Variants in CTNND2 observed in about 807,000 individuals in gnomAD.
CTNND2 encodes catenin delta 2, also known as catenin delta-2.
In CTNND2, 22 loss-of-function variants were observed where a neutral mutation model predicts 144.4. The ratio of observed to expected loss-of-function variants is 0.15; its 90% CI spans 0.11 to 0.22. The LOEUF (loss-of-function observed/expected upper bound fraction) is 0.22, where lower values mean the gene tolerates loss of function less well. CTNND2 is among the 10% of genes least tolerant of loss of function. The probability of loss-of-function intolerance (pLI) is 1.00; values close to 1 mark genes in which losing one functional copy is unlikely to be tolerated. For missense variants in CTNND2, 1,353 were observed against 1,618.8 expected (o/e 0.84, Z 2.82); for synonymous variants, 751 against 695.6 (o/e 1.08, Z -1.25).
chr5:11,479,910 T>C (rs559690707), intron 3 of CTNND2, among the ~76,000 whole-genome samples: 1 of 152,320 alleles, frequency 6.6e-6, no homozygotes, highest in African/African-American at 2.4e-5. Context: ...GAATATTGGA[T>C]CTTTGTAAGA....
intron 3 of CTNND2, among the ~76,000 whole-genome samples, chr5:11,497,547 T>G (rs1770094978): frequency 7.7e-6 from 1 of 129,614 alleles, no homozygotes; most frequent in Non-Finnish European, 1.6e-5. Context: ...GCAAAGGCCC[T>G]GAGGCACAAA....
intron 11 of CTNND2, among the ~76,000 whole-genome samples, chr5:11,179,540 T>A (rs947180312): frequency 6.6e-6 from 1 of 152,154 alleles, no homozygotes; most frequent in Non-Finnish European, 1.5e-5. Flanking sequence ...TATTTATCTG[T>A]ACCTAACCCT....
chr5:11,691,153 C>T (rs1213373139), intron 2 of CTNND2, among the ~76,000 whole-genome samples: 1 of 152,030 alleles, frequency 6.6e-6, no homozygotes, highest in Non-Finnish European at 1.5e-5. Context: ...GGGTGGATCA[C>T]AAGGTCAGGA....
chr5:11,354,213 C>G (rs544342097), intron 8 of CTNND2, among the ~76,000 whole-genome samples: 2 of 152,272 alleles, frequency 1.3e-5, no homozygotes, highest in East Asian at 3.9e-4. Context: ...TTGGTGAGAA[C>G]AGAATTAGCT....
intron 16 of CTNND2, among the ~76,000 whole-genome samples, chr5:11,074,036 C>T (rs11133636): frequency 1.3e-5 from 2 of 152,310 alleles, no homozygotes; most frequent in East Asian, 3.9e-4. Context: ...ATTTCCAGTA[C>T]TAAAAACAGC....
At chr5:11,249,669 A>G (rs933990796) in intron 9 of CTNND2, among the ~76,000 whole-genome samples, 2 of 152,158 alleles carry the variant, frequency 1.3e-5, no homozygotes, top group Admixed American at 1.3e-4. Context: ...ACACTTCAGT[A>G]TAATTTTTGA....
At chr5:11,811,411 T>C (rs931042922) in intron 1 of CTNND2, among the ~76,000 whole-genome samples, 1 of 152,208 alleles carries the variant, frequency 6.6e-6, no homozygotes, top group Non-Finnish European at 1.5e-5. Context: ...TAACACAACT[T>C]ACCCATTCCA....
chr5:11,837,281 G>C (rs1434758137), intron 1 of CTNND2, among the ~76,000 whole-genome samples: 1 of 152,226 alleles, frequency 6.6e-6, no homozygotes, highest in Admixed American at 6.5e-5. Flanking sequence ...AATGGGATCA[G>C]ATCTTCACTT....
intron 2 of CTNND2, among the ~76,000 whole-genome samples, chr5:11,623,871 G>A (rs1327297493): frequency 7.8e-6 from 1 of 128,320 alleles, no homozygotes; most frequent in Admixed American, 8.2e-5. Context: ...AAAAGGAGCA[G>A]CCAGATTCAT....
chr5:11,192,078 T>G (rs1418130883), intron 11 of CTNND2, among the ~76,000 whole-genome samples: 1 of 152,246 alleles, frequency 6.6e-6, no homozygotes, highest in African/African-American at 2.4e-5. Flanking sequence ...CAAACCATGA[T>G]GCACCTGGAG....
At chr5:11,713,832 T>G (rs576384855) in intron 2 of CTNND2, among the ~76,000 whole-genome samples, 1 of 152,122 alleles carries the variant, frequency 6.6e-6, no homozygotes, top group South Asian at 2.1e-4. Context: ...AAATAAATGG[T>G]TTGAAACATT....
At chr5:11,807,317 T>C (rs754920111) in intron 1 of CTNND2, among the ~76,000 whole-genome samples, 1 of 152,206 alleles carries the variant, frequency 6.6e-6, no homozygotes, top group Non-Finnish European at 1.5e-5. Context: ...CATTATCTTT[T>C]GACTTTAGAC....
At chr5:11,113,946 T>G (rs1463948349) in intron 13 of CTNND2, among the ~76,000 whole-genome samples, 1 of 152,206 alleles carries the variant, frequency 6.6e-6, no homozygotes, top group African/African-American at 2.4e-5. Context: ...CTCTGGAGCC[T>G]TTGTCATTCC....
chr5:11,511,960 C>T (rs1454331044), intron 3 of CTNND2, among the ~76,000 whole-genome samples: 1 of 152,146 alleles, frequency 6.6e-6, no homozygotes, highest in Non-Finnish European at 1.5e-5. Flanking sequence ...ACCTATTTTG[C>T]ACTCTCATGA....
Position 10,981,955 on chromosome 5 carries a change from A to G in CTNND2, c.3344-109T>C, listed in dbSNP as rs536170795. The G allele has an allele frequency of 8.3e-6, 7 of 847,772 alleles. No individual in the cohort carries two copies. In the East Asian group the frequency reaches 9.9e-5, roughly 12 times the overall value. 52.5% of individuals were successfully genotyped at this position (847,772 alleles called of 1,614,324 possible). A position where few individuals can be genotyped will look rare whatever the true frequency, so the allele number is the denominator to read the frequency against. On this transcript the variant is annotated intron_variant, in intron 20 of 21. Transcript: ENST00000304623. ...CCTAACAAAGCTTGTTTTCTTGGGG[A>G]CCATTCCAAGTAGAAGACATTCTTT...
Position 11,077,019 on chromosome 5 carries a change from A to C in CTNND2, c.2788+5677T>G, listed in dbSNP as rs891739313. Among the ~76,000 whole-genome samples the C allele has an allele frequency of 4.0e-5, 6 of 151,550 alleles. No individual in the cohort carries two copies. The East Asian group carries it at 9.7e-4, about 24-fold the overall frequency. ...TGATTCTTGGCTTTTTTAATAGAAAACCCCCCTTTTTTAAGTTAATGTTTT... is the reference window on the plus strand; with the variant it reads ...TGATTCTTGGCTTTTTTAATAGAAACCCCCCCTTTTTTAAGTTAATGTTTT... On this transcript the variant is annotated intron_variant, in intron 16 of 21. Coordinates refer to ENST00000304623, the MANE Select transcript of CTNND2 (RefSeq NM_001332.4).
intron 2 of CTNND2, among the ~76,000 whole-genome samples, chr5:11,662,255 G>A (rs993302459): frequency 0.011 from 1,204 of 105,258 alleles, 6 homozygotes; most frequent in Non-Finnish European, 0.017. Flanking sequence ...ATATATGTGT[G>A]TATATATGTG....
intron 15 of CTNND2, among the ~76,000 whole-genome samples, chr5:11,087,312 T>C (rs1044995656): frequency 2.0e-5 from 3 of 152,212 alleles, no homozygotes; most frequent in East Asian, 1.9e-4. Flanking sequence ...CTTATTTAGT[T>C]AGTCTTATTT....
chr5:11,462,486 T>C (rs372923861), intron 3 of CTNND2, among the ~76,000 whole-genome samples: 24 of 152,082 alleles, frequency 1.6e-4, no homozygotes, highest in East Asian at 9.7e-4. Context: ...TCCGATAGTG[T>C]CATTAGTGGC....
Sources: allele counts gnomAD v4.1 joint callset (sites outside exome capture counted in the v4.1 genomes callset), GRCh38; gene constraint gnomAD v4.1.1; transcripts MANE v1.5; gene names NCBI Gene and HGNC (gene_info 2026-07-23, HGNC 2026-07-21).